THEM5: variants seen among roughly 807,000 people sequenced by gnomAD.
The protein encoded by THEM5 is acyl-coenzyme A thioesterase THEM5.
Under a neutral mutation model 24.2 loss-of-function variants are expected in THEM5, and 28 were observed. That is an observed-to-expected ratio of 1.16 (90% CI 0.86 to 1.59). THEM5 has a LOEUF of 1.59. THEM5 is among the 40% of genes most tolerant of loss of function. The pLI, the probability that THEM5 is intolerant of heterozygous loss-of-function variation, is 0.00. For missense variants in THEM5, 260 were observed against 296.8 expected (o/e 0.88, Z 0.91); for synonymous variants, 87 against 114.5 (o/e 0.76, Z 1.53).
chr1:151,850,924 C>A, intron 3 of THEM5, 129 bp downstream of exon 3: 1 of 1,204,052 alleles, frequency 8.3e-7, no homozygotes, highest in Non-Finnish European at 1.1e-6. Context: ...AGGCTGAAGC[C>A]TAGTGCCCCA....
intron 3 of THEM5, among the ~76,000 whole-genome samples, chr1:151,849,268 G>A (rs529300032): frequency 6.6e-6 from 1 of 151,078 alleles, no homozygotes; most frequent in South Asian, 2.1e-4. Context: ...GCTTTTGCAA[G>A]CTTTATGTCA....
Position 151,847,727 on chromosome 1 carries a change from G to A in THEM5, c.700+11C>T. On this transcript the variant is annotated intron_variant, in intron 5 of 5. Coordinates refer to ENST00000368817, the MANE Select transcript of THEM5 (RefSeq NM_182578.4). The stretch of plus-strand genomic sequence containing the variant: ...GGACGGGGCCTGGGGCTGGGCTGGG[G>A]GCTCCTTTACCTGAGGACTTGGCAT... 1 of 1,612,810 alleles carries A rather than the reference G, an allele frequency of 6.2e-7. No individual in the cohort carries two copies. The highest frequency in any genetic ancestry group is 1.3e-5 in the African/African-American group (1 of 74,876).
At chr1:151,851,253 A>G (rs1195799676) in intron 2 of THEM5, 62 bp from the exon 3 acceptor site, 6 of 1,605,096 alleles carry the variant, frequency 3.7e-6, no homozygotes, top group Admixed American at 1.7e-5. Flanking sequence ...ATGCAGCACC[A>G]TTTGGTTGAG....
chr1:151,851,285 A>G, intron 2 of THEM5, 94 bp from the exon 3 acceptor site: 1 of 1,535,518 alleles, frequency 6.5e-7, no homozygotes, highest in South Asian at 1.2e-5. Context: ...GTACAAGATT[A>G]AGGAGAGAAA....
At chr1:151,848,443 T>C in intron 3 of THEM5, 151 bp from the exon 4 acceptor site, 2 of 614,140 alleles carry the variant, frequency 3.3e-6, no homozygotes, top group Middle Eastern at 4.3e-4. Context: ...GGCAGCCAAA[T>C]AGGAAAGAAG....
rs1653184258 is a variant in THEM5, at chr1:151,853,560, T to A, written c.6A>T (p.Ile2=). Residue 2 remains isoleucine, a synonymous_variant, in exon 1 of 6, where the codon ATA becomes ATT. Coordinates refer to ENST00000368817, the MANE Select transcript of THEM5 (RefSeq NM_182578.4). Reference sequence around the variant, plus strand: ...TTGCTGCCACCTGGAAGCATCTCCTTATCATGGCCAAGTGCAAGGATCCAG... The same window carrying A: ...TTGCTGCCACCTGGAAGCATCTCCTAATCATGGCCAAGTGCAAGGATCCAG... M[I]RRCFQVAARL... The A allele has an allele frequency of 1.2e-6, 2 of 1,612,176 alleles. No individual in the cohort carries two copies. Among genetic ancestry groups the A allele is most frequent in the South Asian group, 2.2e-5 (2 of 90,724 alleles).
chr1:151,848,114 G>A (rs1558180174), intron 4 of THEM5, 68 bp downstream of exon 4: 3 of 1,536,270 alleles, frequency 2.0e-6, no homozygotes, highest in African/African-American at 2.7e-5. Context: ...CCCAGCTGCC[G>A]AGGATGGCCA....
At chr1:151,853,149 G>T (rs1425367518) in intron 1 of THEM5, among the ~76,000 whole-genome samples, 1 of 152,232 alleles carries the variant, frequency 6.6e-6, no homozygotes, top group East Asian at 1.9e-4. Context: ...CACAGATGGG[G>T]TCCTCTGTCT....
At position 151,848,204 on chromosome 1, in the gene THEM5, T is replaced by C; in HGVS notation, c.553A>G (p.Ser185Gly). The C allele has an allele frequency of 6.2e-7, 1 of 1,614,176 alleles. No homozygotes were observed. Among genetic ancestry groups the C allele is most frequent in the Non-Finnish European group, 8.5e-7 (1 of 1,180,012 alleles). The change falls in exon 4 of 6, where the codon AGT (serine) becomes GGT (glycine). Residue 185 changes from serine to glycine, a missense_variant. Coordinates refer to ENST00000368817, the MANE Select transcript of THEM5 (RefSeq NM_182578.4). ...TACTTTTTGAACCTGATGTTGAGAC[T>C]TAGTGTGAACAGCCCCTCTCCAGCC... ...FLAGEGLFTL[S>G]LNIRFKNLIP...
intron 4 of THEM5, 28 bp downstream of exon 4, chr1:151,848,154 G>A: frequency 6.2e-7 from 1 of 1,604,918 alleles, no homozygotes. Context: ...CTGTGACTTT[G>A]GCCAATGCCC....
Position 151,848,279 on chromosome 1 carries a change from C to T in THEM5, c.478G>A (p.Gly160Arg), listed in dbSNP as rs541469397. Residue 160 changes from glycine (G) to arginine (R), a missense_variant, in exon 4 of 6, where the codon GGG becomes AGG. By Grantham distance (125) the Gly-to-Arg change is moderately radical. Transcript: ENST00000368817. ...TCGTCCATCATGGCTGCCAGGGACC[C>T]GCCGTGAGCAAACCTGGGGGTGGGG... is the stretch of plus-strand genomic sequence containing the variant. ...LEGPPGFAHGGSLAAMMDETF... is the reference protein window; with the variant it reads ...LEGPPGFAHGRSLAAMMDETF... The T allele has an allele frequency of 5.8e-5, 94 of 1,614,056 alleles. 1 individual carries two copies. The highest frequency in any genetic ancestry group is 5.2e-4 in the Admixed American group (31 of 60,030).
rs200336579 is a variant in THEM5 at position 151,851,060 on chromosome 1, G to A, written c.457C>T (p.Pro153Ser). ...LFQPGSYLEG[P>S]PGFAHGGSLA... ...TCCTACCAGTGACCTTACCCTGGGG[G>A]CCCCTCCAGGTAGGAGCCTGGTTGG... The change falls in exon 3 of 6, where the codon CCC becomes TCC. Residue 153 changes from proline to serine, a missense_variant. Coordinates refer to ENST00000368817, the MANE Select transcript of THEM5 (RefSeq NM_182578.4). 2.5e-6 allele frequency: 4 copies of A among 1,614,132 alleles called. No individual in the cohort carries two copies. The highest frequency in any genetic ancestry group is 1.3e-5 in the African/African-American group (1 of 75,036).
At chr1:151,852,500 G>A (rs1236947812) in intron 1 of THEM5, 41 bp from the exon 2 acceptor site, 8 of 1,602,728 alleles carry the variant, frequency 5.0e-6, no homozygotes, top group Non-Finnish European at 6.8e-6. Context: ...GCATCCTGGA[G>A]GGGGGCTGCT....
At chr1:151,852,600 C>T in intron 1 of THEM5, 141 bp from the exon 2 acceptor site, 1 of 768,660 alleles carries the variant, frequency 1.3e-6, no homozygotes. Flanking sequence ...GGAAAGGGCC[C>T]ATATTCCTTG....
intron 5 of THEM5, 94 bp from the exon 6 acceptor site, chr1:151,847,508 A>G: frequency 1.3e-6 from 2 of 1,513,016 alleles, no homozygotes; most frequent in Non-Finnish European, 1.8e-6. Flanking sequence ...ATTACCCATT[A>G]CCTGGGTCCT....
intron 2 of THEM5, 93 bp from the exon 3 acceptor site, chr1:151,851,284 T>A: frequency 1.3e-6 from 2 of 1,541,400 alleles, no homozygotes; most frequent in Non-Finnish European, 1.8e-6. Context: ...GGTACAAGAT[T>A]AAGGAGAGAA....
intron 3 of THEM5, among the ~76,000 whole-genome samples, chr1:151,849,762 C>A (rs955091080): frequency 3.9e-5 from 6 of 152,170 alleles, no homozygotes; most frequent in African/African-American, 1.4e-4. Flanking sequence ...AGCCTGGGGA[C>A]CCATTGGCCA....
intron 3 of THEM5, among the ~76,000 whole-genome samples, chr1:151,849,637 T>C (rs181477342): frequency 1.2e-4 from 18 of 152,316 alleles, no homozygotes; most frequent in Admixed American, 2.0e-4. Flanking sequence ...GCAAACATAA[T>C]TTACACACTT....
rs111583050 is a variant in THEM5, at chr1:151,853,376, T to A, written c.123+67A>T. 1.9e-4 allele frequency: 298 copies of A among 1,549,062 alleles called. 1 individual carries two copies. In the African/African-American group the frequency reaches 3.7e-3, roughly 19 times the overall value. On this transcript the variant is annotated intron_variant, in intron 1 of 5. Transcript: ENST00000368817. ...TGGCCATGGGCTGGGAAGAGGAGAT[T>A]TGGGGTGCTCCTTAAGCCCTAGGCT...
Sources: allele counts gnomAD v4.1 joint callset (sites outside exome capture counted in the v4.1 genomes callset), GRCh38; gene constraint gnomAD v4.1.1; transcripts MANE v1.5; gene names NCBI Gene and HGNC (gene_info 2026-07-23, HGNC 2026-07-21).